SETD2: variants seen among roughly 807,000 people sequenced by gnomAD.
The protein encoded by SETD2 is histone-lysine N-methyltransferase SETD2.
A neutral mutation model predicts 242.1 loss-of-function variants in SETD2; 31 were observed. The ratio of observed to expected loss-of-function variants is 0.13; its 90% CI spans 0.10 to 0.17. The LOEUF (loss-of-function observed/expected upper bound fraction) is 0.17. Ranked by LOEUF, SETD2 falls within the 10% of genes least tolerant of loss-of-function variation. The pLI, the probability that SETD2 is intolerant of heterozygous loss-of-function variation, is 1.00. For missense variants in SETD2, 2,481 were observed against 3,046.3 expected (o/e 0.81, Z 4.37); for synonymous variants, 1,006 against 1,066.5 (o/e 0.94, Z 1.11).
intron 5 of SETD2, among the ~76,000 whole-genome samples, chr3:47,107,071 T>A (rs1303729292): frequency 6.6e-6 from 1 of 152,174 alleles, no homozygotes; most frequent in Non-Finnish European, 1.5e-5. Context: ...ACTGAAGATA[T>A]TAAATTATCA....
At chr3:47,117,407 A>G (rs2042906582) in intron 3 of SETD2, among the ~76,000 whole-genome samples, 1 of 152,094 alleles carries the variant, frequency 6.6e-6, no homozygotes, top group African/African-American at 2.4e-5. Flanking sequence ...TAAGCCTTGG[A>G]TTCAGAACAG....
At chr3:47,083,467 A>G (rs2041401722) in intron 12 of SETD2, among the ~76,000 whole-genome samples, 1 of 152,214 alleles carries the variant, frequency 6.6e-6, no homozygotes, top group African/African-American at 2.4e-5. Flanking sequence ...GAGCACTTAA[A>G]TGACTGAACT....
intron 9 of SETD2, among the ~76,000 whole-genome samples, chr3:47,094,380 T>C (rs1430933718): frequency 6.6e-6 from 1 of 152,226 alleles, no homozygotes; most frequent in Non-Finnish European, 1.5e-5. Context: ...AAAAAATGTT[T>C]AGCAATCAAG....
rs59408277 is a variant in SETD2, at chr3:47,044,344, C to CAAAAAAAAAA, written c.7099-1654_7099-1645dup. On this transcript the variant is annotated intron_variant, in intron 16 of 20. Coordinates refer to ENST00000409792, the MANE Select transcript of SETD2 (RefSeq NM_014159.7). ...TGGGCAACAAAGCAAGACTTCATCTCAAAAAAAAAAAAAAAAAAAAAAAAA... is the reference window on the plus strand; with the variant it reads ...TGGGCAACAAAGCAAGACTTCATCTCAAAAAAAAAAAAAAAAAAAAAAAAAAAAAAAAAAA... 7.4e-4 allele frequency among the ~76,000 whole-genome samples: 25 copies of CAAAAAAAAAA among 33,948 alleles called. 3 individuals are homozygous for CAAAAAAAAAA. The highest frequency in any genetic ancestry group is 2.2e-3 in the Admixed American group (4 of 1,856). 22.3% of individuals were successfully genotyped at this position (33,948 alleles called of 152,430 possible).
At chr3:47,058,458 A>C (rs200896001) in intron 14 of SETD2, among the ~76,000 whole-genome samples, 1 of 145,380 alleles carries the variant, frequency 6.9e-6, no homozygotes, top group Admixed American at 7.6e-5. Flanking sequence ...AAAAAAAAAA[A>C]AAAAAACACA....
intron 5 of SETD2, among the ~76,000 whole-genome samples, chr3:47,106,423 A>C (rs558861830): frequency 6.7e-6 from 1 of 150,212 alleles, no homozygotes; most frequent in African/African-American, 2.4e-5. Flanking sequence ...ATATCAAAAA[A>C]AGTTATTAAC....
intron 1 of SETD2, among the ~76,000 whole-genome samples, chr3:47,142,288 G>T (rs1010586452): frequency 9.9e-5 from 15 of 152,152 alleles, no homozygotes; most frequent in Middle Eastern, 3.4e-3. Context: ...CAGTAGGGTT[G>T]TTTGAGGCTA....
chr3:47,055,698 A>G (rs1305084473), intron 15 of SETD2, among the ~76,000 whole-genome samples: 9 of 148,832 alleles, frequency 6.0e-5, no homozygotes, highest in Admixed American at 6.0e-4. Flanking sequence ...ATCTCTTAAA[A>G]TAAAATAAAA....
intron 12 of SETD2, among the ~76,000 whole-genome samples, chr3:47,071,283 T>C (rs530142092): frequency 2.6e-5 from 4 of 152,216 alleles, no homozygotes; most frequent in East Asian, 1.9e-4. Flanking sequence ...TAACACACAA[T>C]TCATACACAC....
Position 47,159,966 on chromosome 3 carries a change from C to T in SETD2, c.71+3888G>A, listed in dbSNP as rs560212673. ...CTCCAGCCTGGGGGACAGAGTGAGACTCCATTCCAAAAAAAAAAAAAAGCT... is the reference window on the plus strand; with the variant it reads ...CTCCAGCCTGGGGGACAGAGTGAGATTCCATTCCAAAAAAAAAAAAAAGCT... On this transcript the variant is annotated intron_variant, in intron 1 of 20. Coordinates refer to ENST00000409792, the MANE Select transcript of SETD2 (RefSeq NM_014159.7). 2.0e-5 allele frequency among the ~76,000 whole-genome samples: 3 copies of T among 150,640 alleles called. No individual in the cohort carries two copies. In the East Asian group the frequency reaches 5.9e-4, roughly 29 times the overall value.
intron 1 of SETD2, among the ~76,000 whole-genome samples, chr3:47,159,618 CTA>C (rs1286220687): frequency 1.3e-5 from 2 of 152,184 alleles, no homozygotes; most frequent in Non-Finnish European, 2.9e-5. Context: ...TGAAAGCAGA[CTA>C]TGTCACTCTT....
intron 1 of SETD2, among the ~76,000 whole-genome samples, chr3:47,128,880 C>T (rs1193605498): frequency 1.3e-5 from 2 of 151,924 alleles, no homozygotes; most frequent in African/African-American, 4.8e-5. Context: ...TAAATTAGTA[C>T]CATTTGAAAT....
At chr3:47,087,540 C>T (rs1308090283) in intron 10 of SETD2, among the ~76,000 whole-genome samples, 2 of 152,322 alleles carry the variant, frequency 1.3e-5, no homozygotes, top group East Asian at 1.9e-4. Context: ...TGTGTGGCCC[C>T]GTTCCTAATC....
chr3:47,062,649 TC>T (rs1321418379), intron 13 of SETD2, among the ~76,000 whole-genome samples: 1 of 152,198 alleles, frequency 6.6e-6, no homozygotes, highest in African/African-American at 2.4e-5. Flanking sequence ...TGCAAGATAT[TC>T]CCATTACATT....
intron 4 of SETD2, among the ~76,000 whole-genome samples, chr3:47,114,893 AAAAAAG>A (rs1177239935): frequency 7.4e-4 from 112 of 151,592 alleles, no homozygotes; most frequent in Admixed American, 2.2e-3. Flanking sequence ...AAAAAAAAAA[AAAAAAG>A]ACCACTGGAA....
chr3:47,032,351 C>T (rs1383029641), intron 18 of SETD2, among the ~76,000 whole-genome samples: 5 of 151,980 alleles, frequency 3.3e-5, no homozygotes, highest in Non-Finnish European at 5.9e-5. Context: ...CCTGTCTCTA[C>T]AAAAATGTAC....
chr3:47,147,037 G>A (rs1229910328), intron 1 of SETD2, among the ~76,000 whole-genome samples: 1 of 152,124 alleles, frequency 6.6e-6, no homozygotes, highest in African/African-American at 2.4e-5. Context: ...TTGAGACAGG[G>A]TCTCACTCTG....
Position 47,121,015 on chromosome 3 carries a change from A to G in SETD2, c.3621T>C (p.Ser1207=), listed in dbSNP as rs577048438. The change falls in exon 3 of 21, where the codon TCT becomes TCC. Residue 1207 remains serine, a synonymous_variant. Transcript: ENST00000409792. Reference sequence around the variant, plus strand: ...ACTTATTTGGGACATCTTCAAAATCAGAAGAATAAATTGGCAGCTCTTCTT... The same window carrying G: ...ACTTATTTGGGACATCTTCAAAATCGGAAGAATAAATTGGCAGCTCTTCTT... ...RQQEELPIYS[S]DFEDVPNKSW... is the part of the protein sequence containing the mutation. The G allele has an allele frequency of 2.7e-5, 44 of 1,614,214 alleles. 1 individual carries two copies. The South Asian group carries it at 4.1e-4, about 15-fold the overall frequency.
chr3:47,138,896 T>C (rs180982382), intron 1 of SETD2, among the ~76,000 whole-genome samples: 141 of 152,278 alleles, frequency 9.3e-4, no homozygotes, highest in Admixed American at 4.8e-3. Context: ...GGAATCTCAA[T>C]AGCTATGGTG....
Sources: allele counts gnomAD v4.1 joint callset (sites outside exome capture counted in the v4.1 genomes callset), GRCh38; gene constraint gnomAD v4.1.1; transcripts MANE v1.5; gene names NCBI Gene and HGNC (gene_info 2026-07-23, HGNC 2026-07-21).